DLGAP1: variants seen among roughly 807,000 people sequenced by gnomAD.
DLGAP1 encodes the protein DLG associated protein 1.
Under a neutral mutation model 90.8 loss-of-function variants are expected in DLGAP1, and 11 were observed. That is an observed-to-expected ratio of 0.12 (90% CI 0.08 to 0.20). DLGAP1 has a LOEUF of 0.20. DLGAP1 is among the 10% of genes least tolerant of loss of function. The pLI, the probability that DLGAP1 is intolerant of heterozygous loss-of-function variation, is 1.00. For synonymous variants in DLGAP1, 558 were observed against 540.7 expected (o/e 1.03, Z -0.44); for missense variants, 1,050 against 1,333.8 (o/e 0.79, Z 3.31).
At chr18:3,520,917 T>C (rs2051144147) in intron 10 of DLGAP1, among the ~76,000 whole-genome samples, 2 of 152,206 alleles carry the variant, frequency 1.3e-5, no homozygotes, top group Admixed American at 6.5e-5. Context: ...CAGAGGAAAC[T>C]CAGATCCCCT....
At chr18:4,452,624 T>C (rs112047375) in intron 1 of DLGAP1, among the ~76,000 whole-genome samples, 3 of 152,282 alleles carry the variant, frequency 2.0e-5, no homozygotes, top group African/African-American at 7.2e-5. Flanking sequence ...ACACTACAAT[T>C]AGTTTTAGGC....
chr18:3,507,741 T>TC (rs1555659240), intron 11 of DLGAP1, among the ~76,000 whole-genome samples: 1 of 141,040 alleles, frequency 7.1e-6, no homozygotes, highest in African/African-American at 2.6e-5. Context: ...TGAAGGTTTT[T>TC]TTTTTTTTTT....
intron 3 of DLGAP1, among the ~76,000 whole-genome samples, chr18:4,001,264 G>GT (rs142201708): frequency 0.045 from 6,818 of 151,662 alleles, 390 homozygotes; most frequent in African/African-American, 0.14. Flanking sequence ...TGAAGTCTTT[G>GT]TTTTTTCAAA....
intron 1 of DLGAP1, among the ~76,000 whole-genome samples, chr18:4,351,137 C>T (rs1399167741): frequency 1.3e-5 from 2 of 152,184 alleles, no homozygotes; most frequent in East Asian, 3.8e-4. Flanking sequence ...GATTCTTTGA[C>T]ACTGATGTAA....
intron 6 of DLGAP1, among the ~76,000 whole-genome samples, chr18:3,741,239 AC>A (rs1214451179): frequency 9.8e-6 from 1 of 102,236 alleles, no homozygotes; most frequent in Non-Finnish European, 1.9e-5. Flanking sequence ...CACCACCACC[AC>A]CATCACCATC....
chr18:3,499,152 A>G lies in DLGAP1; in HGVS notation c.*33T>C. ...GAGCGGCCGGGGGAGGAGGGGACAG[A>G]TGCTTGGCGGCGGCGGCCGGGCTGC... On this transcript the variant is annotated 3_prime_UTR_variant, in exon 13 of 13. Coordinates refer to ENST00000315677, the MANE Select transcript of DLGAP1 (RefSeq NM_004746.4). This position sits in a 1 kb window ranked among gnomAD's most constrained non-coding sequence, Gnocchi z 6.4. 1.3e-6 allele frequency: 2 copies of G among 1,517,338 alleles called. No homozygotes were observed. The highest frequency in any genetic ancestry group is 1.8e-6 in the Non-Finnish European group (2 of 1,139,460). The allele number at this position is 1,517,338 out of a possible 1,614,324, so 94.0% of individuals were successfully genotyped here.
chr18:4,327,999 A>G (rs2080861458), intron 1 of DLGAP1, among the ~76,000 whole-genome samples: 1 of 150,300 alleles, frequency 6.7e-6, no homozygotes, highest in African/African-American at 2.5e-5. Flanking sequence ...CTGAATTGTC[A>G]TAAATCCCCT....
chr18:4,334,081 A>C (rs934631740), intron 1 of DLGAP1, among the ~76,000 whole-genome samples: 1 of 151,346 alleles, frequency 6.6e-6, no homozygotes, highest in Non-Finnish European at 1.5e-5. Context: ...TCTACTAAAA[A>C]CACAAAATTA....
Position 4,257,750 on chromosome 18 carries a change from G to A in DLGAP1, c.-266-106463C>T, listed in dbSNP as rs541122030. Among the ~76,000 whole-genome samples the A allele has an allele frequency of 1.7e-4, 25 of 151,122 alleles. No homozygotes were observed. The East Asian group carries it at 2.6e-3, about 15-fold the overall frequency. On this transcript the variant is annotated intron_variant, in intron 1 of 12. Coordinates refer to ENST00000315677, the MANE Select transcript of DLGAP1 (RefSeq NM_004746.4). The stretch of plus-strand genomic sequence containing the variant: ...AGCAATTCTCCTGCCTCAGCCTCCC[G>A]AGTAGCTGAGACTATAGATGCATGC...
chr18:4,403,147 GAT>G (rs1052881968), intron 1 of DLGAP1, among the ~76,000 whole-genome samples: 2 of 152,108 alleles, frequency 1.3e-5, no homozygotes, highest in African/African-American at 4.8e-5. Context: ...ATTTAAAGTT[GAT>G]ATGTTATAGG....
Position 4,306,033 on chromosome 18 carries a change from T to TATACACACACACAC in DLGAP1, c.-267+148972_-267+148973insGTGTGTGTGTGTAT, listed in dbSNP as rs2080248039. Among the ~76,000 whole-genome samples the TATACACACACACAC allele has an allele frequency of 2.8e-5, 4 of 142,110 alleles. No homozygotes were observed. The South Asian group carries it at 9.0e-4, about 32-fold the overall frequency. The allele number at this position is 142,110 out of a possible 152,430, so 93.2% of individuals were successfully genotyped here. On this transcript the variant is annotated intron_variant, in intron 1 of 12. Coordinates refer to ENST00000315677, the MANE Select transcript of DLGAP1 (RefSeq NM_004746.4). ...ACACACACACACAGACACACACAAATACACACACACACACACACACACACA... is the reference window on the plus strand; with the variant it reads ...ACACACACACACAGACACACACAAATATACACACACACACACACACACACACACACACACACACA...
intron 7 of DLGAP1, among the ~76,000 whole-genome samples, chr18:3,651,718 A>G (rs946189441): frequency 3.9e-5 from 6 of 152,078 alleles, no homozygotes; most frequent in Non-Finnish European, 8.8e-5. Context: ...CACGCCTGTA[A>G]TCCCAGCACT....
chr18:4,134,441 T>C (rs1285730253), intron 2 of DLGAP1, among the ~76,000 whole-genome samples: 1 of 152,140 alleles, frequency 6.6e-6, no homozygotes, highest in Admixed American at 6.6e-5. Flanking sequence ...GAATTTTCCA[T>C]ACCTAGAAAT....
Position 3,496,464 on chromosome 18 carries a change from C to T in DLGAP1, c.*2721G>A, listed in dbSNP as rs1194414222. 6.6e-6 allele frequency: 1 copy of T among 152,120 alleles called. No homozygotes were observed. Among genetic ancestry groups the T allele is most frequent in the Non-Finnish European group, 1.5e-5 (1 of 68,026 alleles). The allele number at this position is 152,120 out of a possible 1,614,324, so 9.4% of individuals were successfully genotyped here. On this transcript the variant is annotated 3_prime_UTR_variant, in exon 13 of 13. Coordinates refer to ENST00000315677, the MANE Select transcript of DLGAP1 (RefSeq NM_004746.4). The stretch of plus-strand genomic sequence containing the variant: ...ATTAAAAATCTTTAATCCATTTCTT[C>T]ATCTCTCTTTACAAAAAGGTTATGT...
At chr18:3,585,746 C>G (rs1369667276) in intron 7 of DLGAP1, among the ~76,000 whole-genome samples, 1 of 152,132 alleles carries the variant, frequency 6.6e-6, no homozygotes, top group Non-Finnish European at 1.5e-5. Flanking sequence ...GAGTTGCAGA[C>G]CAGCCTGGGC....
At chr18:3,644,555 C>T (rs113176725) in intron 7 of DLGAP1, among the ~76,000 whole-genome samples, 4,002 of 152,078 alleles carry the variant, frequency 0.026, 159 homozygotes, top group East Asian at 0.19. Context: ...GGATTACAGG[C>T]GCTCACCACC....
At position 4,021,799 on chromosome 18, in the gene DLGAP1, G is replaced by A. The variant is rs542037220; in HGVS notation, c.-158-16598C>T. Among the ~76,000 whole-genome samples, 25 of 152,002 alleles carry A rather than the reference G, an allele frequency of 1.6e-4. No individual in the cohort carries two copies. In the South Asian group the frequency reaches 4.6e-3, roughly 28 times the overall value. On this transcript the variant is annotated intron_variant, in intron 2 of 12. Transcript: ENST00000315677. ...TTTTTAGTAGAGATAGGGATTCCCC[G>A]TGTTGGTCAGGCTGGTCTCAAACTC...
chr18:3,623,421 C>T lies in DLGAP1; in HGVS notation c.1592-41173G>A, dbSNP rs115621782. ...TAAGAGGTCCTAGACACAAATTCACCTACACAAGGGATTCAGTCCGTCTTA... is the reference window on the plus strand; with the variant it reads ...TAAGAGGTCCTAGACACAAATTCACTTACACAAGGGATTCAGTCCGTCTTA... On this transcript the variant is annotated intron_variant, in intron 7 of 12. Coordinates refer to ENST00000315677, the MANE Select transcript of DLGAP1 (RefSeq NM_004746.4). Among the ~76,000 whole-genome samples, 1,026 of 152,270 alleles carry T rather than the reference C, an allele frequency of 6.7e-3. 16 individuals carry two copies. The highest frequency in any genetic ancestry group is 0.023 in the African/African-American group (971 of 41,548).
intron 1 of DLGAP1, among the ~76,000 whole-genome samples, chr18:4,245,028 A>T (rs2078624793): frequency 6.6e-6 from 1 of 152,168 alleles, no homozygotes; most frequent in Non-Finnish European, 1.5e-5. Flanking sequence ...TTGCCATTTT[A>T]TAGGTTAAAA....
Sources: allele counts gnomAD v4.1 joint callset (sites outside exome capture counted in the v4.1 genomes callset), GRCh38; gene constraint gnomAD v4.1.1; non-coding constraint Gnocchi (gnomAD v3.1); transcripts MANE v1.5; gene names NCBI Gene and HGNC (gene_info 2026-07-23, HGNC 2026-07-21).